Variants in MPZL3 observed in about 807,000 individuals in gnomAD.
The protein encoded by MPZL3 is myelin protein zero like 3.
A neutral mutation model predicts 24.8 loss-of-function variants in MPZL3; 23 were observed. The observed-to-expected ratio is 0.93, with a 90% CI of 0.67 to 1.31. The LOEUF is 1.31. MPZL3 is among the 40% of genes most tolerant of loss of function. The pLI, the probability that MPZL3 is intolerant of heterozygous loss-of-function variation, is 0.00. For missense variants in MPZL3, 277 were observed against 294.9 expected (o/e 0.94, Z 0.44); for synonymous variants, 99 against 106.5 (o/e 0.93, Z 0.44).
At chr11:118,247,490 TTAA>T (rs1279492835) in intron 1 of MPZL3, among the ~76,000 whole-genome samples, 6 of 152,308 alleles carry the variant, frequency 3.9e-5, no homozygotes, top group African/African-American at 1.4e-4. Flanking sequence ...AAGAGGTGTA[TTAA>T]TACTTAATTG....
intron 5 of MPZL3, among the ~76,000 whole-genome samples, chr11:118,232,481 C>T (rs958420866): frequency 5.9e-5 from 9 of 152,072 alleles, no homozygotes; most frequent in Admixed American, 1.3e-4. Context: ...ATTCAGTTCT[C>T]GGAGGGCAGG....
chr11:118,236,159 T>C (rs1358844327), intron 3 of MPZL3, among the ~76,000 whole-genome samples: 1 of 152,202 alleles, frequency 6.6e-6, no homozygotes, highest in African/African-American at 2.4e-5. Flanking sequence ...TTTAAGGCAC[T>C]GATTCATACT....
Position 118,233,607 on chromosome 11 carries a change from A to T in MPZL3, c.618-84T>A, listed in dbSNP as rs1028491342. 8 of 1,424,160 alleles carry T rather than the reference A, an allele frequency of 5.6e-6. No individual in the cohort carries two copies. The African/African-American group carries it at 1.1e-4, about 20-fold the overall frequency. 88.2% of individuals were successfully genotyped at this position (1,424,160 alleles called of 1,614,324 possible). On this transcript the variant is annotated intron_variant, in intron 4 of 5. Coordinates refer to ENST00000278949, the MANE Select transcript of MPZL3 (RefSeq NM_198275.3). ...TTGAAAGTACAGGTGTTGAAATCAG[A>T]CAGGTCTGGTTTTAGATTCCAGTTC...
chr11:118,246,801 G>C (rs1299861603), intron 1 of MPZL3, among the ~76,000 whole-genome samples: 1 of 151,774 alleles, frequency 6.6e-6, no homozygotes, highest in Non-Finnish European at 1.5e-5. Context: ...GCCTAGTCTG[G>C]ACTCAAACTC....
intron 1 of MPZL3, among the ~76,000 whole-genome samples, chr11:118,244,812 C>A (rs1474549801): frequency 8.5e-5 from 13 of 152,190 alleles, no homozygotes; most frequent in Non-Finnish European, 1.5e-5. Flanking sequence ...CGCGGTGGCT[C>A]ACGCCTGTAA....
At position 118,252,257 on chromosome 11, in the gene MPZL3, G is replaced by C. The variant is rs988704939; in HGVS notation, c.38C>G (p.Ala13Gly). Residue 13 changes from alanine (A) to glycine (G), a missense_variant, in exon 1 of 6, where the codon GCT (alanine) becomes GGT (glycine). Physicochemically the swap from Ala to Gly is moderately conservative, Grantham distance 60. Transcript: ENST00000278949. ...CAGGACGCCCAGCAGAGGGAAGAGA[G>C]CGCAGCCACGGCTTCCAGCTGCTCC... ...QRGAAGSRGC[A>G]LFPLLGVLFF... 6.2e-7 allele frequency: 1 copy of C among 1,614,030 alleles called. No homozygotes were observed. Among genetic ancestry groups the C allele is most frequent in the Non-Finnish European group, 8.5e-7 (1 of 1,179,984 alleles).
Position 118,246,646 on chromosome 11 carries a change from G to A in MPZL3, c.73+5576C>T, listed in dbSNP as rs143783408. 2.2e-4 allele frequency among the ~76,000 whole-genome samples: 32 copies of A among 146,758 alleles called. No individual in the cohort carries two copies. In the East Asian group the frequency reaches 4.6e-3, roughly 21 times the overall value. ...GTTGCTCAGGCTACAGTGCAGTGGC[G>A]CGATCTCAGTTCATTGCAACCTCTG... is the stretch of plus-strand genomic sequence containing the variant. On this transcript the variant is annotated intron_variant, in intron 1 of 5. Coordinates refer to ENST00000278949, the MANE Select transcript of MPZL3 (RefSeq NM_198275.3).
chr11:118,235,145 C>T (rs1296863402), intron 4 of MPZL3, among the ~76,000 whole-genome samples: 1 of 152,194 alleles, frequency 6.6e-6, no homozygotes, highest in Admixed American at 6.5e-5. Flanking sequence ...GAAACATTGA[C>T]TTCAGAATTT....
chr11:118,250,702 TC>T (rs1337424626), intron 1 of MPZL3, among the ~76,000 whole-genome samples: 2 of 152,116 alleles, frequency 1.3e-5, no homozygotes, highest in Non-Finnish European at 2.9e-5. Flanking sequence ...TGTCTCAGCC[TC>T]CCGAGTAGCT....
chr11:118,247,921 T>A (rs1468690686), intron 1 of MPZL3, among the ~76,000 whole-genome samples: 1 of 152,210 alleles, frequency 6.6e-6, no homozygotes, highest in Non-Finnish European at 1.5e-5. Context: ...TGGTTTCTAA[T>A]GCATTTCCCT....
At chr11:118,239,652 CCATCTGTCACCAA>C (rs1196619274) in intron 2 of MPZL3, among the ~76,000 whole-genome samples, 6 of 152,136 alleles carry the variant, frequency 3.9e-5, no homozygotes, top group East Asian at 1.9e-4. Flanking sequence ...TATTGCAAGA[CCATCTGTCACCAA>C]CATCTGTCAC....
chr11:118,248,814 A>G (rs894893257), intron 1 of MPZL3, among the ~76,000 whole-genome samples: 1 of 152,162 alleles, frequency 6.6e-6, no homozygotes, highest in Non-Finnish European at 1.5e-5. Flanking sequence ...AGAAATACCA[A>G]AACTACTTTA....
At chr11:118,233,333 C>G (rs1360928062) in intron 5 of MPZL3, 127 bp downstream of exon 5, 4 of 1,007,174 alleles carry the variant, frequency 4.0e-6, no homozygotes, top group Non-Finnish European at 6.1e-6. Context: ...GGGAAAGATG[C>G]TGGTTCATAT....
chr11:118,230,107 G>C (rs1035076786), intron 5 of MPZL3, among the ~76,000 whole-genome samples, 187 bp from the exon 6 acceptor site: 1 of 152,180 alleles, frequency 6.6e-6, no homozygotes, highest in East Asian at 1.9e-4. Context: ...TGTCTATTGG[G>C]CTAATTTCTG....
intron 1 of MPZL3, among the ~76,000 whole-genome samples, chr11:118,245,641 G>T (rs901534127): frequency 2.6e-5 from 4 of 152,128 alleles, no homozygotes; most frequent in African/African-American, 9.7e-5. Flanking sequence ...TTAGGGCAAA[G>T]GTGAGCAAAT....
chr11:118,236,906 T>C, intron 3 of MPZL3, 144 bp downstream of exon 3: 1 of 629,178 alleles, frequency 1.6e-6, no homozygotes, highest in Non-Finnish European at 2.7e-6. Flanking sequence ...CATATTGGGA[T>C]GGCAGAAAAA....
intron 1 of MPZL3, among the ~76,000 whole-genome samples, chr11:118,240,732 GACACAC>G (rs56100329): frequency 0.054 from 6,523 of 121,550 alleles, 231 homozygotes; most frequent in Middle Eastern, 0.13. Flanking sequence ...ATCCCCCGCA[GACACAC>G]ACACACACAC....
intron 3 of MPZL3, among the ~76,000 whole-genome samples, chr11:118,236,797 T>C (rs138930992): frequency 3.1e-3 from 479 of 152,216 alleles, no homozygotes; most frequent in Non-Finnish European, 5.1e-3. Context: ...TTTGGTCACC[T>C]AAAGTTAAAA....
intron 1 of MPZL3, among the ~76,000 whole-genome samples, chr11:118,241,446 T>C (rs960990889): frequency 6.6e-6 from 1 of 152,230 alleles, no homozygotes; most frequent in Non-Finnish European, 1.5e-5. Flanking sequence ...ATCCCGGCCC[T>C]GTCACCTGCT....
Sources: allele counts gnomAD v4.1 joint callset (sites outside exome capture counted in the v4.1 genomes callset), GRCh38; gene constraint gnomAD v4.1.1; transcripts MANE v1.5; gene names NCBI Gene and HGNC (gene_info 2026-07-23, HGNC 2026-07-21).